AK5: variants seen among roughly 807,000 people sequenced by gnomAD.
AK5 encodes adenylate kinase isoenzyme 5.
AK5 carries 27 observed loss-of-function variants against 69.5 expected under a neutral mutation model. The observed-to-expected ratio is 0.39, with a 90% CI of 0.29 to 0.54. The LOEUF is 0.54. Ranked by LOEUF, AK5 falls within the 20% of genes least tolerant of loss-of-function variation. The pLI is 0.71. For synonymous variants in AK5, 260 were observed against 244.4 expected (o/e 1.06, Z -0.60); for missense variants, 531 against 700.4 (o/e 0.76, Z 2.73).
At chr1:77,295,037 G>A (rs1188707459) in intron 3 of AK5, among the ~76,000 whole-genome samples, 3 of 152,058 alleles carry the variant, frequency 2.0e-5, no homozygotes, top group African/African-American at 7.2e-5. Flanking sequence ...AAAAAAAATT[G>A]TGGCTATTTT....
chr1:77,528,437 G>A (rs1480364388), intron 12 of AK5, among the ~76,000 whole-genome samples: 2 of 151,960 alleles, frequency 1.3e-5, no homozygotes, highest in Non-Finnish European at 2.9e-5. Context: ...AGTTAGTTAG[G>A]CTGACACTTT....
chr1:77,387,605 A>T (rs761861950), intron 6 of AK5, among the ~76,000 whole-genome samples: 1 of 152,206 alleles, frequency 6.6e-6, no homozygotes, highest in Non-Finnish European at 1.5e-5. Context: ...TAACTTGTGG[A>T]TGCTTATCAC....
At chr1:77,396,194 A>G (rs558557670) in intron 6 of AK5, among the ~76,000 whole-genome samples, 1 of 152,214 alleles carries the variant, frequency 6.6e-6, no homozygotes, top group Non-Finnish European at 1.5e-5. Context: ...CTAAATTCAC[A>G]TAAAGTCTTA....
intron 6 of AK5, among the ~76,000 whole-genome samples, chr1:77,405,080 A>T (rs963326292): frequency 2.0e-5 from 3 of 152,246 alleles, no homozygotes; most frequent in Admixed American, 6.5e-5. Flanking sequence ...GATCATATGC[A>T]TGTATGTTAC....
At chr1:77,535,690 GA>G (rs984621801) in intron 12 of AK5, among the ~76,000 whole-genome samples, 156 bp from the exon 13 acceptor site, 1 of 152,134 alleles carries the variant, frequency 6.6e-6, no homozygotes, top group Non-Finnish European at 1.5e-5. Flanking sequence ...TGGAAGGGGG[GA>G]GCTATGGAGT....
Position 77,554,807 on chromosome 1 carries a change from G to A in AK5, c.1621-3795G>A, listed in dbSNP as rs368134906. On this transcript the variant is annotated intron_variant, in intron 13 of 13. Coordinates refer to ENST00000354567, the MANE Select transcript of AK5 (RefSeq NM_174858.3). ...TTTTTTTTGTATTTTTAGTAGAGAC[G>A]GGGTTTCGCCATGTTAGCCGGGATG... Among the ~76,000 whole-genome samples, 91 of 143,564 alleles carry A rather than the reference G, an allele frequency of 6.3e-4. No individual in the cohort carries two copies. The East Asian group carries it at 0.014, about 23-fold the overall frequency. 94.2% of individuals were successfully genotyped at this position (143,564 alleles called of 152,430 possible).
chr1:77,330,849 C>T (rs1380285061), intron 5 of AK5, among the ~76,000 whole-genome samples: 1 of 152,166 alleles, frequency 6.6e-6, no homozygotes, highest in East Asian at 1.9e-4. Context: ...ATGAATATGG[C>T]ACATGCCTCA....
intron 13 of AK5, among the ~76,000 whole-genome samples, chr1:77,554,578 G>GT (rs1001585317): frequency 6.6e-6 from 1 of 152,008 alleles, no homozygotes; most frequent in Non-Finnish European, 1.5e-5. Flanking sequence ...CCTTTCTGCA[G>GT]TTTTTTTGTT....
intron 6 of AK5, among the ~76,000 whole-genome samples, chr1:77,368,245 A>ATATATATATATGTTATATATAT (rs376578923): frequency 0.038 from 2,574 of 67,706 alleles, 360 homozygotes; most frequent in South Asian, 0.067. Context: ...ATATATATAT[A>ATATATATATATGTTATATATAT]TATATATAAT....
At position 77,293,830 on chromosome 1, in the gene AK5, T is replaced by C; in HGVS notation, c.285T>C (p.Tyr95=). 1 of 1,608,208 alleles carries C rather than the reference T, an allele frequency of 6.2e-7. No homozygotes were observed. The highest frequency in any genetic ancestry group is 8.5e-7 in the Non-Finnish European group (1 of 1,178,244). Reference sequence around the variant, plus strand: ...ACTCAAACTTTCCATATCGGCGGTATGACCGGCTCCCTCCAATCCATCAAT... The same window carrying C: ...ACTCAAACTTTCCATATCGGCGGTACGACCGGCTCCCTCCAATCCATCAAT... ...PENSNFPYRR[Y]DRLPPIHQFS... The change falls in exon 3 of 14, where the codon TAT becomes TAC. Residue 95 remains tyrosine, a synonymous_variant. Coordinates refer to ENST00000354567, the MANE Select transcript of AK5 (RefSeq NM_174858.3).
chr1:77,477,980 A>G (rs1655048491), intron 8 of AK5, among the ~76,000 whole-genome samples: 1 of 152,204 alleles, frequency 6.6e-6, no homozygotes, highest in Non-Finnish European at 1.5e-5. Context: ...GGTTTAAGGA[A>G]GGACGGTGGG....
chr1:77,531,992 G>GGCCGGCCT (rs954945199), intron 12 of AK5: 3 of 126,120 alleles, frequency 2.4e-5, no homozygotes, highest in African/African-American at 7.6e-5. Flanking sequence ...GCGGCCATCC[G>GGCCGGCCT]GCCGGCCGGC....
Position 77,518,709 on chromosome 1 carries a change from T to C in AK5, c.1293T>C (p.Arg431=). 1.2e-6 allele frequency: 2 copies of C among 1,614,212 alleles called. No homozygotes were observed. The highest frequency in any genetic ancestry group is 2.2e-5 in the South Asian group (2 of 91,088). ...AATTGATCAGAGACATTATGGAACG[T>C]GGAGACCTGGTGCCCTCAGTAAGCA... is the stretch of plus-strand genomic sequence containing the variant. ...RSKLIRDIME[R]GDLVPSGIVL... is the part of the protein sequence containing the mutation. Residue 431 remains arginine (R), a synonymous_variant, in exon 11 of 14, where the codon CGT becomes CGC. Coordinates refer to ENST00000354567, the MANE Select transcript of AK5 (RefSeq NM_174858.3).
intron 5 of AK5, among the ~76,000 whole-genome samples, chr1:77,303,150 T>C (rs867137004): frequency 8.5e-5 from 13 of 152,188 alleles, no homozygotes; most frequent in Admixed American, 5.9e-4. Context: ...TCACTGTGAA[T>C]GAGGGGAGGA....
intron 8 of AK5, among the ~76,000 whole-genome samples, chr1:77,477,083 A>G (rs1654991974): frequency 1.3e-5 from 2 of 151,494 alleles, no homozygotes; most frequent in Admixed American, 1.3e-4. Flanking sequence ...GCTAGAGTGT[A>G]CTGATGCAGT....
At position 77,283,548 on chromosome 1, in the gene AK5, G is replaced by A. The variant is rs985435627; in HGVS notation, c.60+1175G>A. 3 of 985,364 alleles carry A rather than the reference G, an allele frequency of 3.0e-6. No individual in the cohort carries two copies. The African/African-American group carries it at 5.2e-5, about 17-fold the overall frequency. The allele number at this position is 985,364 out of a possible 1,614,324, so 61.0% of individuals were successfully genotyped here. A position where few individuals can be genotyped will look rare whatever the true frequency, so the allele number is the denominator to read the frequency against. ...TTTAAAATGGGTTGCCATAATTACA[G>A]GTCTTCTTTTCTCTCACCTCTATAA... On this transcript the variant is annotated intron_variant, in intron 1 of 13. Transcript: ENST00000354567.
At chr1:77,399,599 G>A (rs1002731679) in intron 6 of AK5, among the ~76,000 whole-genome samples, 3 of 152,130 alleles carry the variant, frequency 2.0e-5, no homozygotes, top group Non-Finnish European at 4.4e-5. Flanking sequence ...GGAACTCTGG[G>A]ACAGAACCAG....
At chr1:77,353,638 A>G (rs1662335558) in intron 6 of AK5, among the ~76,000 whole-genome samples, 1 of 152,168 alleles carries the variant, frequency 6.6e-6, no homozygotes, top group African/African-American at 2.4e-5. Flanking sequence ...TCACTCTGAC[A>G]TTACTCCTTG....
chr1:77,554,976 A>T (rs557098335), intron 13 of AK5, among the ~76,000 whole-genome samples: 1 of 151,876 alleles, frequency 6.6e-6, no homozygotes, highest in South Asian at 2.1e-4. Context: ...CCCATATTTT[A>T]TGATGTCAGC....
Sources: allele counts gnomAD v4.1 joint callset (sites outside exome capture counted in the v4.1 genomes callset), GRCh38; gene constraint gnomAD v4.1.1; transcripts MANE v1.5; gene names NCBI Gene and HGNC (gene_info 2026-07-23, HGNC 2026-07-21).